ENOX1: variants seen among roughly 807,000 people sequenced by gnomAD.
ENOX1 encodes the protein ecto-NOX disulfide-thiol exchanger 1, also known as candidate growth-related and time keeping constitutive hydroquinone (NADH) oxidase.
ENOX1 carries 42 observed loss-of-function variants against 82.5 expected under a neutral mutation model. The ratio of observed to expected loss-of-function variants is 0.51; its 90% CI spans 0.40 to 0.66. The LOEUF (loss-of-function observed/expected upper bound fraction) is 0.66. Ranked by LOEUF, ENOX1 falls within the 30% of genes least tolerant of loss-of-function variation. The probability of loss-of-function intolerance (pLI) is 0.00; values close to 1 mark genes in which losing one functional copy is unlikely to be tolerated. For missense variants in ENOX1, 608 were observed against 811.6 expected (o/e 0.75, Z 3.05); for synonymous variants, 271 against 282.2 (o/e 0.96, Z 0.40).
intron 2 of ENOX1, among the ~76,000 whole-genome samples, chr13:43,603,454 G>C (rs893085355): frequency 6.6e-6 from 1 of 151,456 alleles, no homozygotes; most frequent in African/African-American, 2.4e-5. Flanking sequence ...AGTTACATAT[G>C]TATAGATGTG....
chr13:43,298,652 G>T, intron 11 of ENOX1, 122 bp from the exon 12 acceptor site: 1 of 875,964 alleles, frequency 1.1e-6, no homozygotes, highest in South Asian at 2.2e-5. Flanking sequence ...AGAAATAAAA[G>T]CAAAATGCCA....
chr13:43,259,201 G>A (rs1306757947), intron 14 of ENOX1, among the ~76,000 whole-genome samples: 2 of 152,070 alleles, frequency 1.3e-5, no homozygotes, highest in Non-Finnish European at 2.9e-5. Flanking sequence ...TATGGCTTAG[G>A]GTCACTCAGA....
chr13:43,736,919 T>C (rs1239243104), intron 1 of ENOX1, among the ~76,000 whole-genome samples: 2 of 152,212 alleles, frequency 1.3e-5, no homozygotes, highest in Non-Finnish European at 2.9e-5. Flanking sequence ...CTCTAAATAC[T>C]ACTTCAGCTA....
rs939462844 is a variant in ENOX1 at position 43,585,330 on chromosome 13, C to T, written c.-219+82149G>A. Among the ~76,000 whole-genome samples, 90 of 152,278 alleles carry T rather than the reference C, an allele frequency of 5.9e-4. 1 individual carries two copies. The highest frequency in any genetic ancestry group is 5.9e-3 in the Admixed American group (90 of 15,302). On this transcript the variant is annotated intron_variant, in intron 2 of 16. Transcript: ENST00000690772. Reference sequence around the variant, plus strand: ...AGCCCTGCTGACACCTTAATTCAGCCCATTGAAACCGGTTTCAGACTTCTG... The same window carrying T: ...AGCCCTGCTGACACCTTAATTCAGCTCATTGAAACCGGTTTCAGACTTCTG...
At chr13:43,776,255 T>G (rs1002754902) in intron 1 of ENOX1, among the ~76,000 whole-genome samples, 6 of 152,136 alleles carry the variant, frequency 3.9e-5, no homozygotes, top group African/African-American at 1.4e-4. Flanking sequence ...AAATGAGGGT[T>G]TGAAGGACAG....
intron 2 of ENOX1, among the ~76,000 whole-genome samples, chr13:43,530,337 C>A (rs534207774): frequency 1.3e-5 from 2 of 152,184 alleles, no homozygotes; most frequent in East Asian, 3.9e-4. Flanking sequence ...TGCTTCCATC[C>A]AATTATTTCC....
intron 2 of ENOX1, among the ~76,000 whole-genome samples, chr13:43,552,301 T>A (rs142318600): frequency 2.3e-4 from 34 of 144,726 alleles, no homozygotes; most frequent in African/African-American, 8.5e-4. Context: ...CTCTAGGAGA[T>A]AAACAGTACT....
intron 2 of ENOX1, among the ~76,000 whole-genome samples, chr13:43,519,158 G>T (rs910406891): frequency 6.6e-5 from 10 of 152,120 alleles, no homozygotes; most frequent in Non-Finnish European, 1.2e-4. Flanking sequence ...TGGAATTTTT[G>T]TGCTAAAGTT....
intron 2 of ENOX1, among the ~76,000 whole-genome samples, chr13:43,607,970 C>T (rs1350219553): frequency 1.3e-5 from 2 of 152,232 alleles, no homozygotes; most frequent in South Asian, 2.1e-4. Context: ...GCTGGAAGCA[C>T]CAAGTCACTG....
chr13:43,526,321 T>C lies in ENOX1; in HGVS notation c.-218-42169A>G, dbSNP rs188390587. On this transcript the variant is annotated intron_variant, in intron 2 of 16. Transcript: ENST00000690772. The stretch of plus-strand genomic sequence containing the variant: ...GACTAGTCACTTTTTCATCATCCTT[T>C]AATTAAAACCTCCACATCTTCCACT... Among the ~76,000 whole-genome samples the C allele has an allele frequency of 9.2e-5, 14 of 152,192 alleles. No individual in the cohort carries two copies. In the East Asian group the frequency reaches 2.5e-3, roughly 27 times the overall value.
At chr13:43,378,716 T>C (rs1044489956) in intron 5 of ENOX1, among the ~76,000 whole-genome samples, 2 of 152,134 alleles carry the variant, frequency 1.3e-5, no homozygotes, top group Non-Finnish European at 2.9e-5. Context: ...TAAAATAAAC[T>C]TCACGGATAT....
chr13:43,758,415 T>C (rs948567069), intron 1 of ENOX1, among the ~76,000 whole-genome samples: 1 of 152,162 alleles, frequency 6.6e-6, no homozygotes, highest in African/African-American at 2.4e-5. Flanking sequence ...ATAACATTCT[T>C]GACATGACAA....
intron 12 of ENOX1, among the ~76,000 whole-genome samples, chr13:43,283,504 G>C (rs2045518417): frequency 6.6e-6 from 1 of 152,072 alleles, no homozygotes; most frequent in African/African-American, 2.4e-5. Context: ...GAATACAGCG[G>C]TGTAATCATG....
chr13:43,574,833 C>T (rs375274245), intron 2 of ENOX1, among the ~76,000 whole-genome samples: 20 of 152,242 alleles, frequency 1.3e-4, no homozygotes, highest in African/African-American at 2.9e-4. Flanking sequence ...GGATTCACAG[C>T]GAGACACTGG....
intron 14 of ENOX1, among the ~76,000 whole-genome samples, chr13:43,245,071 G>T (rs2043016818): frequency 6.6e-6 from 1 of 152,212 alleles, no homozygotes; most frequent in South Asian, 2.1e-4. Flanking sequence ...GGAGGATGGA[G>T]AATGGAGATA....
chr13:43,401,148 G>A (rs2053473258), intron 5 of ENOX1, among the ~76,000 whole-genome samples: 1 of 152,094 alleles, frequency 6.6e-6, no homozygotes, highest in Non-Finnish European at 1.5e-5. Context: ...AGTGTTCCTA[G>A]TAAAGTCACT....
At chr13:43,332,397 G>A (rs1276014591) in intron 9 of ENOX1, among the ~76,000 whole-genome samples, 1 of 152,174 alleles carries the variant, frequency 6.6e-6, no homozygotes, top group Non-Finnish European at 1.5e-5. Context: ...GAGCTCAGGT[G>A]GCAATGCTCA....
chr13:43,328,500 T>C (rs1159713380), intron 9 of ENOX1, among the ~76,000 whole-genome samples: 1 of 152,090 alleles, frequency 6.6e-6, no homozygotes, highest in African/African-American at 2.4e-5. Context: ...GAGTGTTTGG[T>C]TGGTAATAGT....
chr13:43,728,983 T>C (rs547895273), intron 1 of ENOX1, among the ~76,000 whole-genome samples: 77 of 152,358 alleles, frequency 5.1e-4, no homozygotes, highest in African/African-American at 1.7e-3. Flanking sequence ...GCTAAGCTTC[T>C]GATGTGTTCT....
Sources: gnomAD v4.1 joint callset for allele counts (sites outside exome capture counted in the v4.1 genomes callset) on GRCh38, gnomAD v4.1.1 for gene constraint, MANE v1.5 for transcripts, NCBI Gene and HGNC (gene_info 2026-07-23, HGNC 2026-07-21) for gene names.